PUM2: variants seen among roughly 807,000 people sequenced by gnomAD.
PUM2 encodes pumilio RNA binding family member 2.
In PUM2, 57 loss-of-function variants were observed where a neutral mutation model predicts 124.5. That is an observed-to-expected ratio of 0.46 (90% CI 0.37 to 0.57). The LOEUF (loss-of-function observed/expected upper bound fraction) is 0.57. PUM2 is among the 20% of genes least tolerant of loss of function. The probability of loss-of-function intolerance (pLI) is 0.00; values close to 1 mark genes in which losing one functional copy is unlikely to be tolerated. For missense variants in PUM2, 1,065 were observed against 1,290.6 expected (o/e 0.83, Z 2.68); for synonymous variants, 460 against 446.1 (o/e 1.03, Z -0.39).
intron 1 of PUM2, among the ~76,000 whole-genome samples, chr2:20,349,894 G>A (rs1207775333): frequency 6.6e-6 from 1 of 152,196 alleles, no homozygotes; most frequent in African/African-American, 2.4e-5. Flanking sequence ...GGTTTTCTCT[G>A]GCTGTGTTTT....
chr2:20,333,721 C>T (rs992868302), intron 1 of PUM2, among the ~76,000 whole-genome samples: 4 of 152,010 alleles, frequency 2.6e-5, no homozygotes, highest in Non-Finnish European at 4.4e-5. Flanking sequence ...AAGACCAGCC[C>T]TTGCAACATA....
At chr2:20,324,844 T>C (rs1191560020) in intron 2 of PUM2, among the ~76,000 whole-genome samples, 6 of 151,876 alleles carry the variant, frequency 4.0e-5, no homozygotes, top group Non-Finnish European at 7.4e-5. Context: ...ACTTTGTACA[T>C]TAGAGATTTA....
chr2:20,291,479 GC>G (rs1213834524), intron 9 of PUM2, among the ~76,000 whole-genome samples: 1 of 152,182 alleles, frequency 6.6e-6, no homozygotes, highest in African/African-American at 2.4e-5. Context: ...CTGTTCCTTG[GC>G]TACAGTGTTT....
At chr2:20,326,378 T>C (rs186910757) in intron 2 of PUM2, 1 of 1,304,266 alleles carries the variant, frequency 7.7e-7, no homozygotes, top group Admixed American at 2.3e-5. Flanking sequence ...TTGGACTCTT[T>C]TCTGCATCTG....
At chr2:20,270,968 G>A (rs1165516616) in intron 13 of PUM2, among the ~76,000 whole-genome samples, 2 of 151,960 alleles carry the variant, frequency 1.3e-5, no homozygotes, top group Non-Finnish European at 2.9e-5. Flanking sequence ...AAATCACTAT[G>A]TTTCTACAGA....
chr2:20,282,827 G>T, intron 12 of PUM2, 120 bp downstream of exon 12: 1 of 1,141,588 alleles, frequency 8.8e-7, no homozygotes, highest in Non-Finnish European at 1.2e-6. Context: ...TAAACCAGTA[G>T]TCCAATACTT....
intron 1 of PUM2, among the ~76,000 whole-genome samples, chr2:20,329,174 CAAAAA>C (rs769818181): frequency 6.3e-5 from 4 of 63,092 alleles, no homozygotes; most frequent in Admixed American, 3.7e-4. Context: ...ACCCTGTCTC[CAAAAA>C]AAAAAAAAAA....
chr2:20,285,171 A>G (rs1385131749), intron 10 of PUM2, among the ~76,000 whole-genome samples: 4 of 152,224 alleles, frequency 2.6e-5, no homozygotes, highest in African/African-American at 4.8e-5. Flanking sequence ...CCAGAGAGGA[A>G]ATAACCCACA....
At chr2:20,261,963 T>A (rs1384112534) in intron 14 of PUM2, among the ~76,000 whole-genome samples, 1 of 152,098 alleles carries the variant, frequency 6.6e-6, no homozygotes, top group Non-Finnish European at 1.5e-5. Context: ...GGTGTGATGG[T>A]GCGTGCCTGT....
intron 12 of PUM2, among the ~76,000 whole-genome samples, chr2:20,282,733 T>C (rs1011982827): frequency 2.6e-5 from 4 of 152,186 alleles, no homozygotes; most frequent in African/African-American, 9.7e-5. Context: ...ATGTATTATA[T>C]ATGAGTAAAG....
intron 3 of PUM2, 40 bp from the exon 4 acceptor site, chr2:20,312,463 T>C (rs1679833939): frequency 6.5e-7 from 1 of 1,528,094 alleles, no homozygotes; most frequent in South Asian, 1.2e-5. Flanking sequence ...CTTATACTTT[T>C]AAGTTAAACA....
At chr2:20,350,318 C>G in intron 1 of PUM2, 1 of 320,384 alleles carries the variant, frequency 3.1e-6, no homozygotes, top group Non-Finnish European at 4.5e-6. Flanking sequence ...AGAACCGGGT[C>G]GGCGCCCCAC....
In PUM2 at chr2:20,251,197, T is replaced by C; in HGVS notation, c.*388A>G. 1 of 172,696 alleles carries C rather than the reference T, an allele frequency of 5.8e-6. No homozygotes were observed. Among genetic ancestry groups the C allele is most frequent in the South Asian group, 1.4e-4 (1 of 7,116 alleles). The allele number at this position is 172,696 out of a possible 1,614,324, so 10.7% of individuals were successfully genotyped here. ...CTGTTGTGCTATGGGGTTGTAGACC[T>C]ACCAGACTGTGAGCCAGTTTATTAA... is the stretch of plus-strand genomic sequence containing the variant. On this transcript the variant is annotated 3_prime_UTR_variant, in exon 21 of 21. Transcript: ENST00000361078.
Position 20,325,766 on chromosome 2 carries a change from C to T in PUM2, c.51+1544G>A, listed in dbSNP as rs370415272. ...CCTCCCGAGTAGCTGGGACTACAGG[C>T]GCCTGCCGCCACGCCCGGCTAATTT... On this transcript the variant is annotated intron_variant, in intron 2 of 20. Transcript: ENST00000361078. 3.5e-4 allele frequency among the ~76,000 whole-genome samples: 53 copies of T among 152,114 alleles called. No individual in the cohort carries two copies. The South Asian group carries it at 1.0e-2, about 29-fold the overall frequency.
chr2:20,287,072 C>T (rs1201066922), intron 10 of PUM2, among the ~76,000 whole-genome samples: 1 of 152,150 alleles, frequency 6.6e-6, no homozygotes, highest in Non-Finnish European at 1.5e-5. Flanking sequence ...GGTCCTCGTA[C>T]TCAAGAATTA....
At chr2:20,348,187 A>ATAC (rs1286983544) in intron 1 of PUM2, among the ~76,000 whole-genome samples, 1 of 151,528 alleles carries the variant, frequency 6.6e-6, no homozygotes, top group Admixed American at 6.6e-5. Context: ...AATAATAATA[A>ATAC]TAAAGAAAAA....
intron 2 of PUM2, among the ~76,000 whole-genome samples, chr2:20,319,887 T>G (rs1681888803): frequency 6.6e-6 from 1 of 152,112 alleles, no homozygotes; most frequent in Non-Finnish European, 1.5e-5. Flanking sequence ...AAAACTCAAG[T>G]TGTAAGTTTT....
At chr2:20,336,312 G>A (rs1184168970) in intron 1 of PUM2, among the ~76,000 whole-genome samples, 4 of 151,764 alleles carry the variant, frequency 2.6e-5, no homozygotes, top group Admixed American at 1.3e-4. Flanking sequence ...AGTATCCTAA[G>A]GAGCTGGGAC....
At chr2:20,297,162 A>G (rs1675813650) in intron 8 of PUM2, among the ~76,000 whole-genome samples, 1 of 152,180 alleles carries the variant, frequency 6.6e-6, no homozygotes, top group Admixed American at 6.5e-5. Flanking sequence ...GTATCTGTTT[A>G]TCTTACTCTA....
Sources: allele counts gnomAD v4.1 joint callset (sites outside exome capture counted in the v4.1 genomes callset), GRCh38; gene constraint gnomAD v4.1.1; transcripts MANE v1.5; gene names NCBI Gene and HGNC (gene_info 2026-07-23, HGNC 2026-07-21).